GPR176: variants seen among roughly 807,000 people sequenced by gnomAD.
GPR176 encodes G-protein coupled receptor 176.
In GPR176, 26 loss-of-function variants were observed where a neutral mutation model predicts 35.4. The observed-to-expected ratio is 0.74, with a 90% CI of 0.54 to 1.02. GPR176 has a LOEUF of 1.02. GPR176 is among the 50% of genes least tolerant of loss of function. The pLI is 0.00. For missense variants in GPR176, 597 were observed against 665.3 expected (o/e 0.90, Z 1.13); for synonymous variants, 278 against 271.3 (o/e 1.02, Z -0.24).
chr15:39,853,238 AG>A (rs2030991608), intron 1 of GPR176, among the ~76,000 whole-genome samples: 1 of 152,224 alleles, frequency 6.6e-6, no homozygotes, highest in Non-Finnish European at 1.5e-5. Flanking sequence ...TTCAACCTTA[AG>A]AAAAGAAATT....
chr15:39,836,602 A>G (rs1386680366), intron 1 of GPR176, among the ~76,000 whole-genome samples: 1 of 151,936 alleles, frequency 6.6e-6, no homozygotes, highest in African/African-American at 2.4e-5. Context: ...CAACACAAAC[A>G]CCCACCTCCT....
chr15:39,863,803 G>C (rs1289115180), intron 1 of GPR176, among the ~76,000 whole-genome samples: 2 of 152,108 alleles, frequency 1.3e-5, no homozygotes, highest in Non-Finnish European at 1.5e-5. Context: ...ATCTAGCCTA[G>C]GTACGTAGCA....
At chr15:39,834,743 G>A (rs1032257275) in intron 1 of GPR176, among the ~76,000 whole-genome samples, 4 of 152,102 alleles carry the variant, frequency 2.6e-5, no homozygotes, top group African/African-American at 7.2e-5. Flanking sequence ...ACAATTGAAC[G>A]CATGGAGATA....
rs748649964 is a variant in GPR176 at position 39,807,053 on chromosome 15, T to C, written c.378A>G (p.Val126=). The part of the protein sequence containing the change: ...FCKVVKFLHK[V]FCSVTILSFP... The stretch of plus-strand genomic sequence containing the variant: ...AGCTGAGGATGGTCACAGAGCAGAA[T>C]ACTTTGTGCAAAAATTTGACGACCT... The change falls in exon 2 of 3, where the codon GTA becomes GTG. Residue 126 remains valine, a synonymous_variant. Transcript: ENST00000561100. 8 of 1,613,702 alleles carry C rather than the reference T, an allele frequency of 5.0e-6. No homozygotes were observed. In the Admixed American group the frequency reaches 1.3e-4, roughly 27 times the overall value.
intron 1 of GPR176, among the ~76,000 whole-genome samples, chr15:39,879,075 C>T (rs1020486258): frequency 2.9e-4 from 44 of 152,150 alleles, no homozygotes; most frequent in African/African-American, 1.0e-3. Context: ...ACAACAGTAC[C>T]GTAAGTGCCA....
intron 1 of GPR176, among the ~76,000 whole-genome samples, chr15:39,918,268 A>C (rs902975749): frequency 1.3e-5 from 2 of 152,180 alleles, no homozygotes; most frequent in Non-Finnish European, 2.9e-5. Context: ...ACATTCATTA[A>C]ATGTTTACGA....
At chr15:39,875,073 CTGCAAT>C (rs2032191798) in intron 1 of GPR176, among the ~76,000 whole-genome samples, 1 of 152,074 alleles carries the variant, frequency 6.6e-6, no homozygotes, top group African/African-American at 2.4e-5. Flanking sequence ...AAAAAATTAA[CTGCAAT>C]TCCAGCAAAC....
intron 2 of GPR176, among the ~76,000 whole-genome samples, chr15:39,805,559 T>C (rs534088104): frequency 1.3e-5 from 2 of 152,212 alleles, no homozygotes; most frequent in East Asian, 3.9e-4. Context: ...CTGATCCCCA[T>C]GAACGAGAAT....
intron 1 of GPR176, among the ~76,000 whole-genome samples, chr15:39,888,985 G>A (rs1207689758): frequency 6.6e-6 from 1 of 152,170 alleles, no homozygotes; most frequent in Non-Finnish European, 1.5e-5. Context: ...AATCCAGGAA[G>A]GACAAAGGCT....
chr15:39,907,660 C>T (rs772720334), intron 1 of GPR176, among the ~76,000 whole-genome samples: 4 of 152,160 alleles, frequency 2.6e-5, no homozygotes, highest in African/African-American at 4.8e-5. Context: ...AAACTGAAGC[C>T]GGTTTATGAC....
At chr15:39,869,517 G>C (rs2031966474) in intron 1 of GPR176, among the ~76,000 whole-genome samples, 1 of 152,156 alleles carries the variant, frequency 6.6e-6, no homozygotes, top group Admixed American at 6.6e-5. Flanking sequence ...AGAGCCACTT[G>C]TCACAAGCTG....
In GPR176 at chr15:39,845,245, C is replaced by T. The variant is rs565171440; in HGVS notation, c.173-37987G>A. On this transcript the variant is annotated intron_variant, in intron 1 of 2. Transcript: ENST00000561100. The stretch of plus-strand genomic sequence containing the variant: ...AACCAAGAGCTCACAGAGATCAATT[C>T]ACATGAAGTCCTTGCTCTCATATAA... 8.5e-5 allele frequency among the ~76,000 whole-genome samples: 13 copies of T among 152,182 alleles called. No homozygotes were observed. In the South Asian group the frequency reaches 1.9e-3, roughly 22 times the overall value.
intron 1 of GPR176, among the ~76,000 whole-genome samples, chr15:39,832,526 T>C (rs1218149314): frequency 6.6e-6 from 1 of 152,066 alleles, no homozygotes; most frequent in Non-Finnish European, 1.5e-5. Context: ...GGAAAATCCA[T>C]TTTCTTGTTT....
chr15:39,915,758 A>G (rs1432762541), intron 1 of GPR176, among the ~76,000 whole-genome samples: 1 of 152,146 alleles, frequency 6.6e-6, no homozygotes, highest in Non-Finnish European at 1.5e-5. Flanking sequence ...AGGCACCTGT[A>G]ATCCCAGCTA....
chr15:39,886,136 G>C (rs185976006), intron 1 of GPR176, among the ~76,000 whole-genome samples: 1 of 152,214 alleles, frequency 6.6e-6, no homozygotes, highest in East Asian at 1.9e-4. Flanking sequence ...GGGAGGCTGG[G>C]GCAGGAGAAT....
In GPR176 at chr15:39,809,289, C is replaced by T. The variant is rs563630894; in HGVS notation, c.173-2031G>A. Among the ~76,000 whole-genome samples the T allele has an allele frequency of 4.6e-5, 7 of 152,266 alleles. No individual in the cohort carries two copies. The East Asian group carries it at 1.3e-3, about 29-fold the overall frequency. ...GCTCTCTCCTCATTTAAAACTGACT[C>T]ATTTGGTTCTAAGAACCTGAATTGG... is the stretch of plus-strand genomic sequence containing the variant. On this transcript the variant is annotated intron_variant, in intron 1 of 2. Coordinates refer to ENST00000561100, the MANE Select transcript of GPR176 (RefSeq NM_007223.3).
At chr15:39,864,967 C>T (rs974159530) in intron 1 of GPR176, among the ~76,000 whole-genome samples, 1 of 147,536 alleles carries the variant, frequency 6.8e-6, no homozygotes, top group Non-Finnish European at 1.5e-5. Context: ...TGCTAATCAT[C>T]AGAGAAATGC....
intron 1 of GPR176, among the ~76,000 whole-genome samples, chr15:39,871,158 G>A (rs2032027316): frequency 6.6e-6 from 1 of 152,180 alleles, no homozygotes; most frequent in South Asian, 2.1e-4. Flanking sequence ...TGTAAGGACA[G>A]ACTTTGGGAG....
At chr15:39,847,131 A>C (rs116438921) in intron 1 of GPR176, among the ~76,000 whole-genome samples, 1 of 152,154 alleles carries the variant, frequency 6.6e-6, no homozygotes, top group South Asian at 2.1e-4. Context: ...CTAAGAAAGC[A>C]ATATAGGAGG....
Sources: gnomAD v4.1 joint callset for allele counts (sites outside exome capture counted in the v4.1 genomes callset) on GRCh38, gnomAD v4.1.1 for gene constraint, MANE v1.5 for transcripts, NCBI Gene and HGNC (gene_info 2026-07-23, HGNC 2026-07-21) for gene names.